The following OTOF variants were observed in gnomAD, a reference collection of about 807,000 sequenced individuals.
OTOF encodes fer-1-like family member 2.
A neutral mutation model predicts 236.8 loss-of-function variants in OTOF; 218 were observed. The ratio of observed to expected loss-of-function variants is 0.92; its 90% CI spans 0.82 to 1.03. The LOEUF (loss-of-function observed/expected upper bound fraction) is 1.03. Among genes scored for constraint, OTOF ranks in the 50% least tolerant of loss-of-function variants. The probability of loss-of-function intolerance (pLI) is 0.00; values close to 1 mark genes in which losing one functional copy is unlikely to be tolerated. For missense variants in OTOF, 2,590 were observed against 2,694.4 expected (o/e 0.96, Z 0.86); for synonymous variants, 1,041 against 1,072.5 (o/e 0.97, Z 0.57).
At chr2:26,479,126 G>T in intron 18 of OTOF, 138 bp downstream of exon 18, 1 of 1,124,860 alleles carries the variant, frequency 8.9e-7, no homozygotes, top group Non-Finnish European at 1.3e-6. Context: ...CTGGGGCTGA[G>T]AATGGGAACA....
chr2:26,500,933 C>A (rs1431323459), intron 8 of OTOF, among the ~76,000 whole-genome samples: 2 of 152,148 alleles, frequency 1.3e-5, no homozygotes, highest in Non-Finnish European at 2.9e-5. Flanking sequence ...GACCGAACAT[C>A]CCCAGGACAG....
In OTOF at chr2:26,474,019, C is replaced by T. The variant is rs1408254984; in HGVS notation, c.3380G>A (p.Arg1127Gln). ...GPIMPVPMGI[R>Q]PVLSKYRVEV... ...CACTCGGTACTTGCTGAGCACGGGC[C>T]GGATGCCCATGGGCACGGGCATGAT... is the stretch of plus-strand genomic sequence containing the variant. Residue 1127 changes from arginine (R) to glutamine (Q), a missense_variant, in exon 27 of 47, where the codon CGG becomes CAG. Transcript: ENST00000272371. 1.4e-5 allele frequency: 23 copies of T among 1,612,854 alleles called. No homozygotes were observed. The highest frequency in any genetic ancestry group is 8.0e-5 in the African/African-American group (6 of 74,880).
chr2:26,490,741 T>A (rs946524106), intron 9 of OTOF, among the ~76,000 whole-genome samples: 3 of 152,130 alleles, frequency 2.0e-5, no homozygotes, highest in African/African-American at 7.2e-5. Flanking sequence ...CCTATGAATG[T>A]GGAGATATGA....
rs79808911 is a variant in OTOF at position 26,543,943 on chromosome 2, A to G, written c.80-6169T>C. On this transcript the variant is annotated intron_variant, in intron 1 of 46. Transcript: ENST00000272371. ...CAGCATGTGGCCAAGCTGTTCTCAAATTCCTGACTTTAAGTGATCCTCCTG... is the reference window on the plus strand; with the variant it reads ...CAGCATGTGGCCAAGCTGTTCTCAAGTTCCTGACTTTAAGTGATCCTCCTG... Among the ~76,000 whole-genome samples, 1,156 of 152,292 alleles carry G rather than the reference A, an allele frequency of 7.6e-3. 4 individuals are homozygous for G. The highest frequency in any genetic ancestry group is 0.021 in the Admixed American group (316 of 15,280).
intron 5 of OTOF, among the ~76,000 whole-genome samples, chr2:26,504,129 G>T (rs1461348457): frequency 6.6e-6 from 1 of 152,134 alleles, no homozygotes; most frequent in Non-Finnish European, 1.5e-5. Flanking sequence ...TCTTGAGCCG[G>T]AAAGAGCCGT....
chr2:26,479,916 C>G (rs1025388081), intron 16 of OTOF, among the ~76,000 whole-genome samples: 2 of 152,254 alleles, frequency 1.3e-5, no homozygotes, highest in Non-Finnish European at 2.9e-5. Context: ...TCTCCAGCCC[C>G]GGGAAGGGCT....
chr2:26,532,511 G>A (rs1299225664), intron 2 of OTOF, among the ~76,000 whole-genome samples: 2 of 152,232 alleles, frequency 1.3e-5, no homozygotes, highest in Non-Finnish European at 2.9e-5. Flanking sequence ...TGTGCATGAC[G>A]CTGTGCAGAA....
At chr2:26,538,306 C>T (rs1488914118) in intron 1 of OTOF, among the ~76,000 whole-genome samples, 1 of 152,246 alleles carries the variant, frequency 6.6e-6, no homozygotes, top group Non-Finnish European at 1.5e-5. Context: ...CAGCCATTCC[C>T]CGTGGGCCAA....
At chr2:26,459,111 G>A (rs1463104183) in intron 46 of OTOF, among the ~76,000 whole-genome samples, 1 of 152,232 alleles carries the variant, frequency 6.6e-6, no homozygotes, top group East Asian at 1.9e-4. Context: ...TGAGTTGAAT[G>A]GAATTATTAT....
Position 26,471,317 on chromosome 2 carries a change from G to A in OTOF, c.3865-167C>T, listed in dbSNP as rs114410533. ...TGCATTAATAAGAGCACTCTGACTG[G>A]TGAGTCTGCAAAGGGTCTGAGTGAG... On this transcript the variant is annotated intron_variant, in intron 30 of 46. Transcript: ENST00000272371. 0.024 allele frequency among the ~76,000 whole-genome samples: 3,636 copies of A among 152,332 alleles called. 71 individuals are homozygous for A. The highest frequency in any genetic ancestry group is 0.034 in the Middle Eastern group (10 of 294).
chr2:26,497,284 A>G (rs1666011942), intron 8 of OTOF, among the ~76,000 whole-genome samples: 1 of 151,944 alleles, frequency 6.6e-6, no homozygotes, highest in Admixed American at 6.6e-5. Context: ...TATTTTTAGT[A>G]GAGACGAGGT....
Position 26,473,599 on chromosome 2 carries a change from G to T in OTOF, c.3409-32C>A. ...GAGGTTGGAGGGTGGGTGCAGAGAAGAGAGCCCCTTAGTCAAGGGAGCCAG... is the reference window on the plus strand; with the variant it reads ...GAGGTTGGAGGGTGGGTGCAGAGAATAGAGCCCCTTAGTCAAGGGAGCCAG... On this transcript the variant is annotated intron_variant, in intron 27 of 46. Coordinates refer to ENST00000272371, the MANE Select transcript of OTOF (RefSeq NM_194248.3). The surrounding 1 kb of genome is among the most constrained non-coding windows in gnomAD (Gnocchi z 7.2). The T allele has an allele frequency of 6.3e-7, 1 of 1,576,864 alleles. No homozygotes were observed.
intron 29 of OTOF, 127 bp from the exon 30 acceptor site, chr2:26,472,776 C>T (rs1665055168): frequency 1.0e-6 from 1 of 961,260 alleles, no homozygotes; most frequent in Non-Finnish European, 1.6e-6. Context: ...GGGGGACAGG[C>T]AGTCAAGGGA....
intron 1 of OTOF, among the ~76,000 whole-genome samples, chr2:26,544,910 G>A (rs1318169311): frequency 1.3e-5 from 2 of 151,912 alleles, no homozygotes; most frequent in Admixed American, 1.3e-4. Context: ...GCGTGGTGGT[G>A]CGAACCTGTA....
intron 9 of OTOF, among the ~76,000 whole-genome samples, chr2:26,492,266 G>A (rs893401010): frequency 3.2e-4 from 48 of 152,170 alleles, no homozygotes; most frequent in African/African-American, 1.1e-3. Flanking sequence ...CTACTGGGTA[G>A]AGGCCAGGGA....
At chr2:26,516,082 C>T (rs1666515405) in intron 5 of OTOF, among the ~76,000 whole-genome samples, 1 of 152,156 alleles carries the variant, frequency 6.6e-6, no homozygotes. Flanking sequence ...CCAGAGAGGC[C>T]AGGGGCCCTC....
At chr2:26,466,168 G>A in intron 36 of OTOF, 92 bp from the exon 37 acceptor site, 1 of 1,518,576 alleles carries the variant, frequency 6.6e-7, no homozygotes, top group East Asian at 2.3e-5. Context: ...CTATGACAGT[G>A]AAGGGCAGGG....
In OTOF at chr2:26,529,108, C is replaced by G. The variant is rs572796678; in HGVS notation, c.139-1188G>C. Among the ~76,000 whole-genome samples, 16 of 152,238 alleles carry G rather than the reference C, an allele frequency of 1.1e-4. No homozygotes were observed. The South Asian group carries it at 3.3e-3, about 32-fold the overall frequency. On this transcript the variant is annotated intron_variant, in intron 2 of 46. Coordinates refer to ENST00000272371, the MANE Select transcript of OTOF (RefSeq NM_194248.3). ...GAGGGCCTCAGCAGGGGTCCCTGTC[C>G]CACTCCACATCCTGAGCCACAAGCA... is the stretch of plus-strand genomic sequence containing the variant.
rs550663508 is a variant in OTOF, at chr2:26,557,095, C to A, written c.79+1398G>T. 4.0e-3 allele frequency among the ~76,000 whole-genome samples: 606 copies of A among 152,302 alleles called. 2 individuals carry two copies. Among genetic ancestry groups the A allele is most frequent in the Non-Finnish European group, 5.3e-3 (358 of 68,014 alleles). On this transcript the variant is annotated intron_variant, in intron 1 of 46. Coordinates refer to ENST00000272371, the MANE Select transcript of OTOF (RefSeq NM_194248.3). ...GCAGGGCCACTGCCATCACCTCCACCCCTGCCTGTCCCTATGAACACAAGC... is the reference window on the plus strand; with the variant it reads ...GCAGGGCCACTGCCATCACCTCCACACCTGCCTGTCCCTATGAACACAAGC...
Sources: gnomAD v4.1 joint callset for allele counts (sites outside exome capture counted in the v4.1 genomes callset) on GRCh38, gnomAD v4.1.1 for gene constraint, Gnocchi (gnomAD v3.1) non-coding constraint, MANE v1.5 for transcripts, NCBI Gene and HGNC (gene_info 2026-07-23, HGNC 2026-07-21) for gene names.